Variants in ARIH1 observed in about 807,000 individuals in gnomAD.
The protein encoded by ARIH1 is E3 ubiquitin-protein ligase ARIH1.
A neutral mutation model predicts 85.0 loss-of-function variants in ARIH1; 8 were observed. The observed-to-expected ratio is 0.09, with a 90% CI of 0.06 to 0.17. ARIH1 has a LOEUF of 0.17. ARIH1 is among the 10% of genes least tolerant of loss of function. ARIH1 has a pLI of 1.00. For missense variants in ARIH1, 311 were observed against 718.1 expected (o/e 0.43, Z 6.48); for synonymous variants, 238 against 253.6 (o/e 0.94, Z 0.59).
chr15:72,595,830 CTTTG>C lies in ARIH1; in HGVS notation c.*12542_*12545del, dbSNP rs2064361527. 1 of 91,298 alleles carries C rather than the reference CTTTG, an allele frequency of 1.1e-5. No individual in the cohort carries two copies. The highest frequency in any genetic ancestry group is 1.1e-4 in the Admixed American group (1 of 8,916). 5.7% of individuals were successfully genotyped at this position (91,298 alleles called of 1,614,324 possible). ...TCTGTTTTTTTTTTTTTTTTTTCAT[CTTTG>C]TTTTTGTTTTTTTGAGACTGAGTCT... On this transcript the variant is annotated 3_prime_UTR_variant, in exon 14 of 14. Coordinates refer to ENST00000379887, the MANE Select transcript of ARIH1 (RefSeq NM_005744.5).
At chr15:72,527,427 C>A (rs974964921) in intron 2 of ARIH1, among the ~76,000 whole-genome samples, 1 of 152,068 alleles carries the variant, frequency 6.6e-6, no homozygotes, top group Non-Finnish European at 1.5e-5. Context: ...TAAACTGTCT[C>A]CCTGCTCCTG....
intron 1 of ARIH1, among the ~76,000 whole-genome samples, chr15:72,479,558 G>A (rs902432100): frequency 2.0e-5 from 3 of 151,804 alleles, no homozygotes; most frequent in Non-Finnish European, 4.4e-5. Flanking sequence ...ACAGGTGCGC[G>A]CCACCACACC....
chr15:72,475,943 TG>T (rs1567334228), intron 1 of ARIH1, among the ~76,000 whole-genome samples: 1 of 151,982 alleles, frequency 6.6e-6, no homozygotes, highest in African/African-American at 2.4e-5. Flanking sequence ...AGTTTTCATT[TG>T]GGGAAAAAAA....
intron 2 of ARIH1, among the ~76,000 whole-genome samples, chr15:72,542,256 C>T (rs542107981): frequency 7.9e-5 from 12 of 151,960 alleles, no homozygotes; most frequent in Non-Finnish European, 1.6e-4. Flanking sequence ...TGGAGTAGCA[C>T]GATAAATGTG....
chr15:72,491,683 C>CT (rs1456467141), intron 1 of ARIH1, among the ~76,000 whole-genome samples: 3 of 152,190 alleles, frequency 2.0e-5, no homozygotes, highest in Admixed American at 2.0e-4. Context: ...CCCTCATTCT[C>CT]TAACATACTA....
chr15:72,578,223 G>A (rs1318322647), intron 11 of ARIH1, among the ~76,000 whole-genome samples: 2 of 152,178 alleles, frequency 1.3e-5, no homozygotes, highest in East Asian at 3.8e-4. Flanking sequence ...TAGATACTGC[G>A]AAGTCACGCG....
intron 11 of ARIH1, among the ~76,000 whole-genome samples, chr15:72,577,264 C>T (rs2064275901): frequency 6.6e-6 from 1 of 151,908 alleles, no homozygotes; most frequent in African/African-American, 2.4e-5. Context: ...GGATTACAGG[C>T]GTGAGCCACT....
At chr15:72,560,156 C>T (rs1311494216) in intron 5 of ARIH1, among the ~76,000 whole-genome samples, 2 of 152,068 alleles carry the variant, frequency 1.3e-5, no homozygotes, top group African/African-American at 2.4e-5. Flanking sequence ...TTTCTACAGG[C>T]GTACTGGACA....
rs1387848140 is a variant in ARIH1, at chr15:72,587,097, A to G, written c.*3805A>G. 9.5e-5 allele frequency: 40 copies of G among 422,300 alleles called. No individual in the cohort carries two copies. The highest frequency in any genetic ancestry group is 1.9e-4 in the South Asian group (11 of 56,662). 26.2% of individuals were successfully genotyped at this position (422,300 alleles called of 1,614,324 possible). On this transcript the variant is annotated 3_prime_UTR_variant, in exon 14 of 14. Coordinates refer to ENST00000379887, the MANE Select transcript of ARIH1 (RefSeq NM_005744.5). The stretch of plus-strand genomic sequence containing the variant: ...GGGAGTTTATCACTTTTCCTCTTCA[A>G]AGCACTTCAACTTACTGTCTAAAAC...
At chr15:72,521,308 G>A (rs1482424109) in intron 2 of ARIH1, among the ~76,000 whole-genome samples, 2 of 144,144 alleles carry the variant, frequency 1.4e-5, no homozygotes, top group Admixed American at 7.5e-5. Flanking sequence ...TGTTTCACAT[G>A]TGACAAACTT....
In ARIH1 at chr15:72,518,148, T is replaced by C. The variant is rs1442602757; in HGVS notation, c.443+14T>C. 10 of 1,584,510 alleles carry C rather than the reference T, an allele frequency of 6.3e-6. No individual in the cohort carries two copies. The highest frequency in any genetic ancestry group is 7.8e-6 in the Non-Finnish European group (9 of 1,156,442). ...GCTAATGGAAAGGTAAGGAACTATA[T>C]TGTCAGCTTTGTACTTAGAAGTAAC... On this transcript the variant is annotated intron_variant, in intron 2 of 13. Transcript: ENST00000379887.
chr15:72,484,764 T>C (rs1397685554), intron 1 of ARIH1, among the ~76,000 whole-genome samples: 3 of 116,708 alleles, frequency 2.6e-5, no homozygotes, highest in Non-Finnish European at 5.8e-5. Context: ...CATACATATA[T>C]ATGTGTATAT....
In ARIH1 at chr15:72,593,917, GA is replaced by G; in HGVS notation, c.*10629del. 6.7e-6 allele frequency: 1 copy of G among 149,768 alleles called. No homozygotes were observed. The highest frequency in any genetic ancestry group is 1.5e-5 in the Non-Finnish European group (1 of 67,408). The allele number at this position is 149,768 out of a possible 1,614,324, so 9.3% of individuals were successfully genotyped here. ...GCAAGACCCTGTCAAAAAAAAAAAAGAAAAGAAAAAACTGCTAGAATCTTGA... is the reference window on the plus strand; with the variant it reads ...GCAAGACCCTGTCAAAAAAAAAAAAGAAAGAAAAAACTGCTAGAATCTTGA... On this transcript the variant is annotated 3_prime_UTR_variant, in exon 14 of 14. Coordinates refer to ENST00000379887, the MANE Select transcript of ARIH1 (RefSeq NM_005744.5).
chr15:72,502,341 G>A (rs555077122), intron 1 of ARIH1, among the ~76,000 whole-genome samples: 18 of 152,252 alleles, frequency 1.2e-4, no homozygotes, highest in African/African-American at 3.6e-4. Flanking sequence ...GAACAGCAAA[G>A]CCCAGATGTG....
At position 72,582,100 on chromosome 15, in the gene ARIH1, C is replaced by T; in HGVS notation, c.1502C>T (p.Ala501Val). 6.2e-7 allele frequency: 1 copy of T among 1,612,832 alleles called. No homozygotes were observed. Among genetic ancestry groups the T allele is most frequent in the South Asian group, 1.1e-5 (1 of 90,998 alleles). The change falls in exon 13 of 14, where the codon GCC (alanine) becomes GTC (valine). Residue 501 changes from alanine to valine, a missense_variant. By Grantham distance (64) the Ala-to-Val change is moderately conservative. Coordinates refer to ENST00000379887, the MANE Select transcript of ARIH1 (RefSeq NM_005744.5). This position sits in a 1 kb window ranked among gnomAD's most constrained non-coding sequence, Gnocchi z 4.6. ...AATAACCAAGCAGATCTAGAGAATG[C>T]CACAGAGGTGCTCTCGGGCTACCTT... Reference protein sequence around the residue: ...FENNQADLENATEVLSGYLER... With the variant: ...FENNQADLENVTEVLSGYLER...
intron 2 of ARIH1, among the ~76,000 whole-genome samples, chr15:72,544,089 ACT>A (rs2064119040): frequency 6.6e-6 from 1 of 152,008 alleles, no homozygotes; most frequent in African/African-American, 2.4e-5. Context: ...ATATGGAACT[ACT>A]CTATATTTAG....
intron 1 of ARIH1, among the ~76,000 whole-genome samples, chr15:72,497,923 AG>A (rs2063886304): frequency 6.6e-6 from 1 of 152,214 alleles, no homozygotes; most frequent in African/African-American, 2.4e-5. Flanking sequence ...TACTATATTG[AG>A]GAGATCTAGT....
intron 1 of ARIH1, among the ~76,000 whole-genome samples, chr15:72,511,659 AT>A (rs1240652869): frequency 2.0e-5 from 3 of 152,088 alleles, no homozygotes; most frequent in Admixed American, 6.6e-5. Context: ...TCTTCTAGGA[AT>A]TTTTTGTAGA....
intron 2 of ARIH1, among the ~76,000 whole-genome samples, chr15:72,534,248 T>G (rs2140418917): frequency 6.6e-6 from 1 of 152,234 alleles, no homozygotes; most frequent in South Asian, 2.1e-4. Flanking sequence ...TTAAAACAGT[T>G]GAAACTAAGT....
Sources: allele counts gnomAD v4.1 joint callset (sites outside exome capture counted in the v4.1 genomes callset), GRCh38; gene constraint gnomAD v4.1.1; non-coding constraint Gnocchi (gnomAD v3.1); transcripts MANE v1.5; gene names NCBI Gene and HGNC (gene_info 2026-07-23, HGNC 2026-07-21).